Variants in MTUS2 observed in about 807,000 individuals in gnomAD.
MTUS2 encodes the protein microtubule-associated tumor suppressor candidate 2.
Under a neutral mutation model 114.1 loss-of-function variants are expected in MTUS2, and 40 were observed. That is an observed-to-expected ratio of 0.35 (90% CI 0.27 to 0.46). The LOEUF is 0.46. Ranked by LOEUF, MTUS2 falls within the 20% of genes least tolerant of loss-of-function variation. MTUS2 has a pLI of 1.00. For synonymous variants in MTUS2, 688 were observed against 672.0 expected (o/e 1.02, Z -0.37); for missense variants, 1,679 against 1,705.4 (o/e 0.98, Z 0.27).
At chr13:29,205,438 G>C (rs967591828) in intron 5 of MTUS2, among the ~76,000 whole-genome samples, 2 of 147,078 alleles carry the variant, frequency 1.4e-5, no homozygotes, top group East Asian at 4.4e-4. Context: ...TATTTTTTTG[G>C]GGAAAGGTAA....
At chr13:29,270,062 G>A (rs1390832596) in intron 5 of MTUS2, among the ~76,000 whole-genome samples, 3 of 152,052 alleles carry the variant, frequency 2.0e-5, no homozygotes, top group African/African-American at 4.8e-5. Flanking sequence ...GGAAGGGGAG[G>A]TGGGGGTGCT....
intron 8 of MTUS2, among the ~76,000 whole-genome samples, chr13:29,427,408 G>T (rs563940032): frequency 2.0e-5 from 3 of 152,078 alleles, no homozygotes; most frequent in Non-Finnish European, 4.4e-5. Flanking sequence ...TGTTACCAAC[G>T]ATGCTGAATT....
intron 1 of MTUS2, among the ~76,000 whole-genome samples, chr13:28,833,272 C>T (rs1048761764): frequency 1.3e-5 from 2 of 152,048 alleles, no homozygotes; most frequent in African/African-American, 2.4e-5. Flanking sequence ...AGAAAAGTAT[C>T]GCTGTTATTC....
chr13:28,995,833 CATCTG>C (rs1885075966), intron 2 of MTUS2, among the ~76,000 whole-genome samples: 1 of 152,204 alleles, frequency 6.6e-6, no homozygotes, highest in Admixed American at 6.5e-5. Context: ...ACAATCATGT[CATCTG>C]CAAACTGGGA....
At chr13:29,433,211 T>C (rs1436620072) in intron 8 of MTUS2, among the ~76,000 whole-genome samples, 1 of 152,224 alleles carries the variant, frequency 6.6e-6, no homozygotes, top group Non-Finnish European at 1.5e-5. Context: ...CTAGATGTCT[T>C]TTTACCCAGT....
At chr13:29,376,824 G>A (rs1452439567) in intron 8 of MTUS2, among the ~76,000 whole-genome samples, 1 of 152,114 alleles carries the variant, frequency 6.6e-6, no homozygotes, top group African/African-American at 2.4e-5. Context: ...GATTGTCATA[G>A]TATGTGTGGC....
intron 6 of MTUS2, among the ~76,000 whole-genome samples, chr13:29,319,172 C>T (rs928099853): frequency 5.3e-5 from 8 of 152,122 alleles, no homozygotes; most frequent in South Asian, 2.1e-4. Context: ...TTTCTCTGGC[C>T]GGCATTGTAT....
intron 2 of MTUS2, among the ~76,000 whole-genome samples, chr13:28,877,140 A>G (rs1016243769): frequency 6.6e-6 from 1 of 150,664 alleles, no homozygotes; most frequent in Non-Finnish European, 1.5e-5. Flanking sequence ...ATACAAAAAA[A>G]AAAAACAACA....
intron 2 of MTUS2, among the ~76,000 whole-genome samples, chr13:28,983,869 T>C (rs1032681220): frequency 3.9e-5 from 6 of 152,222 alleles, no homozygotes; most frequent in African/African-American, 1.4e-4. Flanking sequence ...CCTTGACCTT[T>C]AATCACAGCT....
At chr13:28,938,298 C>T (rs1882022861) in intron 2 of MTUS2, among the ~76,000 whole-genome samples, 1 of 151,754 alleles carries the variant, frequency 6.6e-6, no homozygotes, top group African/African-American at 2.4e-5. Context: ...GGGAGAATCA[C>T]TTGAACCCAG....
At chr13:28,979,943 T>G (rs183229432) in intron 2 of MTUS2, among the ~76,000 whole-genome samples, 11 of 152,278 alleles carry the variant, frequency 7.2e-5, no homozygotes, top group Non-Finnish European at 1.0e-4. Flanking sequence ...TTAAAAGAAG[T>G]AAACATAACA....
chr13:28,916,937 C>A (rs1566221556), intron 2 of MTUS2, among the ~76,000 whole-genome samples: 1 of 151,642 alleles, frequency 6.6e-6, no homozygotes, highest in Non-Finnish European at 1.5e-5. Context: ...TTGAGGTATG[C>A]TCTTTTTATC....
chr13:29,165,057 AC>A (rs1361708791), intron 5 of MTUS2, among the ~76,000 whole-genome samples: 1 of 152,160 alleles, frequency 6.6e-6, no homozygotes, highest in Non-Finnish European at 1.5e-5. Context: ...TAAAATAGAA[AC>A]TGCACTACAC....
chr13:29,030,889 T>G (rs1304999692), intron 3 of MTUS2, among the ~76,000 whole-genome samples: 8 of 152,122 alleles, frequency 5.3e-5, no homozygotes, highest in Non-Finnish European at 8.8e-5. Context: ...TTTTCCCAAT[T>G]GGCAGGAACA....
intron 11 of MTUS2, among the ~76,000 whole-genome samples, chr13:29,491,662 GTGTA>G (rs1419743063): frequency 6.8e-6 from 1 of 147,920 alleles, no homozygotes; most frequent in Non-Finnish European, 1.5e-5. Context: ...GGCATGTAGT[GTGTA>G]TGCGATTGTG....
chr13:28,992,271 A>G (rs1884896069), intron 2 of MTUS2, among the ~76,000 whole-genome samples: 1 of 152,204 alleles, frequency 6.6e-6, no homozygotes, highest in African/African-American at 2.4e-5. Context: ...GGGGAGGTAG[A>G]TGGAGAAAGG....
chr13:29,448,568 T>G (rs1878450972), intron 9 of MTUS2, among the ~76,000 whole-genome samples: 1 of 151,794 alleles, frequency 6.6e-6, no homozygotes, highest in Non-Finnish European at 1.5e-5. Context: ...TGGACAAAGC[T>G]GCCTCCTGTG....
chr13:29,420,852 C>G (rs1353361670), intron 8 of MTUS2, among the ~76,000 whole-genome samples: 1 of 152,116 alleles, frequency 6.6e-6, no homozygotes, highest in Non-Finnish European at 1.5e-5. Context: ...GAGGCTGCCT[C>G]TCCTGTAATC....
At chr13:28,872,929 A>C (rs1877710865) in intron 2 of MTUS2, among the ~76,000 whole-genome samples, 1 of 152,216 alleles carries the variant, frequency 6.6e-6, no homozygotes, top group African/African-American at 2.4e-5. Context: ...TAGATTCAGG[A>C]AAATTACAAA....
Sources: allele counts gnomAD v4.1 joint callset (sites outside exome capture counted in the v4.1 genomes callset), GRCh38; gene constraint gnomAD v4.1.1; transcripts MANE v1.5; gene names NCBI Gene and HGNC (gene_info 2026-07-23, HGNC 2026-07-21).